The following CTSW variants were observed in gnomAD, a reference collection of about 807,000 sequenced individuals.
CTSW encodes lymphopain.
A neutral mutation model predicts 43.8 loss-of-function variants in CTSW; 42 were observed. The ratio of observed to expected loss-of-function variants is 0.96; its 90% CI spans 0.75 to 1.24. The LOEUF (loss-of-function observed/expected upper bound fraction) is 1.24, where lower values mean the gene tolerates loss of function less well. CTSW is among the 50% of genes most tolerant of loss of function. The pLI is 0.00. For missense variants in CTSW, 475 were observed against 479.9 expected, an observed-to-expected ratio of 0.99 and a Z score of 0.09; for synonymous variants, 191 against 184.8, an observed-to-expected ratio of 1.03 and a Z score of -0.27.
chr11:65,883,348 A>C lies in CTSW; in HGVS notation c.944A>C (p.Gln315Pro), dbSNP rs1469789865. 6.2e-7 allele frequency: 1 copy of C among 1,614,050 alleles called. No homozygotes were observed. The highest frequency in any genetic ancestry group is 8.5e-7 in the Non-Finnish European group (1 of 1,180,002). ...ATATGGGCAGAGACAGTCTCATCGC[A>C]GTCTCAGCCTCAGCCTCCACACCCC... The part of the protein sequence containing the change: ...EGIWAETVSS[Q>P]SQPQPPHPTP... Residue 315 changes from glutamine to proline, a missense_variant, in exon 9 of 10, where the codon CAG becomes CCG. Physicochemically the swap from Gln to Pro is moderately conservative, Grantham distance 76 (BLOSUM62 -1). Transcript: ENST00000307886.
rs202134820 is a variant in CTSW at position 65,883,260 on chromosome 11, C to T, written c.856C>T (p.Pro286Ser). Residue 286 changes from proline (P) to serine (S), a missense_variant, in exon 9 of 10, where the codon CCC becomes TCC. Transcript: ENST00000307886. ...CAAGGCCACACCCACCACCTGTGAC[C>T]CCCAGCTTGTGGACCACTCTGTCCT... ...VIKATPTTCD[P>S]QLVDHSVLLV... 231 of 1,613,872 alleles carry T rather than the reference C, an allele frequency of 1.4e-4. No homozygotes were observed. The highest frequency in any genetic ancestry group is 1.2e-4 in the Non-Finnish European group (140 of 1,179,956).
intron 1 of CTSW, 21 bp downstream of exon 1, chr11:65,879,962 A>T: frequency 6.3e-7 from 1 of 1,596,264 alleles, no homozygotes; most frequent in Non-Finnish European, 8.6e-7. Context: ...CCAAACCCTT[A>T]CCTATGCCAG....
chr11:65,880,021 AT>A, intron 1 of CTSW, 80 bp downstream of exon 1: 1 of 1,365,130 alleles, frequency 7.3e-7, no homozygotes, highest in Non-Finnish European at 1.0e-6. Context: ...TGTCATTCTC[AT>A]TTTTCAGAGG....
chr11:65,881,502 C>A lies in CTSW; in HGVS notation c.268C>A (p.Pro90Thr). ...GGGCACAGCTGAGTTTGGGGTGACT[C>A]CATTCAGTGACCTCACAGGTACCAT... ...DLGTAEFGVT[P>T]FSDLTEEEFG... The change falls in exon 3 of 10, where the codon CCA becomes ACA. Residue 90 changes from proline (P) to threonine (T), a missense_variant. Pro to Thr is a conservative substitution (Grantham distance 38). Coordinates refer to ENST00000307886, the MANE Select transcript of CTSW (RefSeq NM_001335.4). The A allele has an allele frequency of 6.2e-7, 1 of 1,607,828 alleles. No homozygotes were observed. The highest frequency in any genetic ancestry group is 8.5e-7 in the Non-Finnish European group (1 of 1,176,428).
intron 3 of CTSW, 89 bp from the exon 4 acceptor site, chr11:65,882,086 G>A (rs1860113386): frequency 6.6e-7 from 1 of 1,513,680 alleles, no homozygotes; most frequent in South Asian, 1.2e-5. Flanking sequence ...GCCCCTCAGG[G>A]AATTATGGGA....
At position 65,883,081 on chromosome 11, in the gene CTSW, AC is replaced by A; in HGVS notation, c.760del (p.Leu254TrpfsTer9). The A allele has an allele frequency of 6.2e-7, 1 of 1,614,104 alleles. No individual in the cohort carries two copies. Among genetic ancestry groups the A allele is most frequent in the Non-Finnish European group, 8.5e-7 (1 of 1,180,014 alleles). ...TTCCTGTCCCCAGGAATTGCGCAGTACCTGGCCACTTATGGCCCCATCACCG... is the reference window on the plus strand; with the variant it reads ...TTCCTGTCCCCAGGAATTGCGCAGTACTGGCCACTTATGGCCCCATCACCG... Reference protein sequence around the residue: ...LQNNEHRIAQYLATYGPITVT... With the variant: ...LQNNEHRIAQXLATYGPITVT... On this transcript the variant is annotated frameshift_variant, in exon 8 of 10. Transcript: ENST00000307886. LOFTEE classifies it high-confidence loss of function.
intron 7 of CTSW, 63 bp downstream of exon 7, chr11:65,882,967 G>GCTGGGCTA: frequency 6.2e-7 from 1 of 1,611,984 alleles, no homozygotes; most frequent in Admixed American, 1.7e-5. Context: ...AGGCAGACAC[G>GCTGGGCTA]CTGGGCTACT....
In CTSW at chr11:65,883,629, C is replaced by T. The variant is rs1357796991; in HGVS notation, c.*11C>T. 6.2e-7 allele frequency: 1 copy of T among 1,610,610 alleles called. No individual in the cohort carries two copies. The stretch of plus-strand genomic sequence containing the variant: ...TCCTGCCCTCCCTGAACCCACCTGG[C>T]CCCCTCAGCTCTGTCCTGTTAGGCC... On this transcript the variant is annotated 3_prime_UTR_variant, in exon 10 of 10. Coordinates refer to ENST00000307886, the MANE Select transcript of CTSW (RefSeq NM_001335.4).
In CTSW at chr11:65,879,893, G is replaced by A; in HGVS notation, c.39G>A (p.Leu13=). The change falls in exon 1 of 10, where the codon CTG becomes CTA. Residue 13 remains leucine, a synonymous_variant. Transcript: ENST00000307886. ...CCCACCCCTCCTGCCTCCTGGCCCT[G>A]TTGGTGGCAGGCCTAGCCCAAGGCA... ...LTAHPSCLLA[L]LVAGLAQGIR... 1 of 1,613,868 alleles carries A rather than the reference G, an allele frequency of 6.2e-7. No individual in the cohort carries two copies. The highest frequency in any genetic ancestry group is 8.5e-7 in the Non-Finnish European group (1 of 1,179,958).
intron 4 of CTSW, 28 bp downstream of exon 4, chr11:65,882,357 A>AT (rs1565278334): frequency 6.2e-7 from 1 of 1,613,968 alleles, no homozygotes; most frequent in South Asian, 1.1e-5. Context: ...GCTGGCTCTA[A>AT]TTCAGCTAAG....
At position 65,880,278 on chromosome 11, in the gene CTSW, GC is replaced by G; in HGVS notation, c.167del (p.Pro56GlnfsTer33). On this transcript the variant is annotated frameshift_variant, in exon 2 of 10. Coordinates refer to ENST00000307886, the MANE Select transcript of CTSW (RefSeq NM_001335.4). LOFTEE classifies it high-confidence loss of function. Reference protein sequence around the residue: ...FQIQFNRSYLSPEEHAHRLDI... With the variant: ...FQIQFNRSYLXPEEHAHRLDI... ...ATCCAGTTCAACCGGAGTTACCTGA[GC>G]CCAGAAGGTATCACAGGGCACATAC... is the stretch of plus-strand genomic sequence containing the variant. 1 of 1,613,360 alleles carries G rather than the reference GC, an allele frequency of 6.2e-7. No homozygotes were observed. The highest frequency in any genetic ancestry group is 8.5e-7 in the Non-Finnish European group (1 of 1,179,566).
rs536487429 is a variant in CTSW at position 65,882,400 on chromosome 11, C to T, written c.442-30C>T. 5 of 1,613,936 alleles carry T rather than the reference C, an allele frequency of 3.1e-6. No individual in the cohort carries two copies. In the East Asian group the frequency reaches 6.7e-5, roughly 22 times the overall value. On this transcript the variant is annotated intron_variant, in intron 4 of 9. Transcript: ENST00000307886. ...AGGGAGAGGGGCACGGCCCGAACAC[C>T]TAGCCCCGCCCCACCCTCTCGCCCT...
In CTSW at chr11:65,882,678, T is replaced by C. The variant is rs200723179; in HGVS notation, c.608T>C (p.Val203Ala). The C allele has an allele frequency of 1.7e-5, 27 of 1,613,638 alleles. No individual in the cohort carries two copies. The South Asian group carries it at 2.7e-4, about 16-fold the overall frequency. Reference sequence around the variant, plus strand: ...TTCGTCTGGGACGCGTTCATAACTGTCCTCAACAACAGTGAGTGCACTGCC... The same window carrying C: ...TTCGTCTGGGACGCGTTCATAACTGCCCTCAACAACAGTGAGTGCACTGCC... ...GGFVWDAFIT[V>A]LNNSGLASEK... Residue 203 changes from valine to alanine, a missense_variant, in exon 6 of 10, where the codon GTC becomes GCC. Val to Ala is a moderately conservative substitution (Grantham distance 64). Coordinates refer to ENST00000307886, the MANE Select transcript of CTSW (RefSeq NM_001335.4).
At position 65,883,271 on chromosome 11, in the gene CTSW, G is replaced by T; in HGVS notation, c.867G>T (p.Val289=). The T allele has an allele frequency of 4.3e-6, 7 of 1,614,024 alleles. No individual in the cohort carries two copies. Among genetic ancestry groups the T allele is most frequent in the Non-Finnish European group, 5.9e-6 (7 of 1,179,980 alleles). ...ATPTTCDPQL[V]DHSVLLVGFG... is the part of the protein sequence containing the mutation. The stretch of plus-strand genomic sequence containing the variant: ...CCACCACCTGTGACCCCCAGCTTGT[G>T]GACCACTCTGTCCTGCTGGTGGGTT... The change falls in exon 9 of 10, where the codon GTG becomes GTT. Residue 289 remains valine, a synonymous_variant. Transcript: ENST00000307886.
In CTSW at chr11:65,881,524, C is replaced by T. The variant is rs1404694914; in HGVS notation, c.286+4C>T. 2.5e-6 allele frequency: 4 copies of T among 1,590,078 alleles called. No individual in the cohort carries two copies. The highest frequency in any genetic ancestry group is 3.4e-6 in the Non-Finnish European group (4 of 1,164,230). On this transcript the variant is annotated splice_donor_region_variant and intron_variant, in intron 3 of 9. Coordinates refer to ENST00000307886, the MANE Select transcript of CTSW (RefSeq NM_001335.4). ...ACTCCATTCAGTGACCTCACAGGTA[C>T]CATTAACCCTTCTGGCTCGTAGGTG...
Position 65,883,109 on chromosome 11 carries a change from G to A in CTSW, c.786G>A (p.Val262=). The A allele has an allele frequency of 1.2e-6, 2 of 1,614,086 alleles. No homozygotes were observed. Among genetic ancestry groups the A allele is most frequent in the Non-Finnish European group, 8.5e-7 (1 of 1,180,020 alleles). ...TGGCCACTTATGGCCCCATCACCGT[G>A]ACCATCAACATGAAGCCCCTTCAGG... ...QYLATYGPIT[V]TINMKPLQLY... is the part of the protein sequence containing the mutation. The change falls in exon 8 of 10, where the codon GTG becomes GTA. Residue 262 remains valine, a synonymous_variant. Coordinates refer to ENST00000307886, the MANE Select transcript of CTSW (RefSeq NM_001335.4).
chr11:65,882,085 G>A, intron 3 of CTSW, 90 bp from the exon 4 acceptor site: 2 of 1,506,990 alleles, frequency 1.3e-6, no homozygotes, highest in Admixed American at 2.0e-5. Flanking sequence ...TGCCCCTCAG[G>A]GAATTATGGG....
At chr11:65,881,059 C>T (rs1386585216) in intron 2 of CTSW, among the ~76,000 whole-genome samples, 2 of 152,184 alleles carry the variant, frequency 1.3e-5, no homozygotes, top group Non-Finnish European at 2.9e-5. Context: ...CCTCTCCCTG[C>T]CATGTTCCAG....
chr11:65,882,343 C>T lies in CTSW; in HGVS notation c.441+14C>T, dbSNP rs750255852. The T allele has an allele frequency of 1.2e-6, 2 of 1,614,002 alleles. No individual in the cohort carries two copies. The highest frequency in any genetic ancestry group is 2.7e-5 in the African/African-American group (2 of 74,944). On this transcript the variant is annotated intron_variant, in intron 4 of 9. Coordinates refer to ENST00000307886, the MANE Select transcript of CTSW (RefSeq NM_001335.4). ...ATCAAGGACCAGGTATCTGCCGCTA[C>T]CCAGCTGGCTCTAATTCAGCTAAGT...
Sources: allele counts gnomAD v4.1 joint callset (sites outside exome capture counted in the v4.1 genomes callset), GRCh38; gene constraint gnomAD v4.1.1; transcripts MANE v1.5; gene names NCBI Gene and HGNC (gene_info 2026-07-23, HGNC 2026-07-21).